Variants in CCDC170 observed in about 807,000 individuals in gnomAD.
CCDC170 encodes the protein coiled-coil domain containing 170.
CCDC170 carries 69 observed loss-of-function variants against 72.6 expected under a neutral mutation model. The observed-to-expected ratio is 0.95, with a 90% CI of 0.78 to 1.16. The LOEUF (loss-of-function observed/expected upper bound fraction) is 1.16, where lower values mean the gene tolerates loss of function less well. Among genes scored for constraint, CCDC170 ranks in the 50% most tolerant of loss-of-function variants. The probability of loss-of-function intolerance (pLI) is 0.00; values close to 1 mark genes in which losing one functional copy is unlikely to be tolerated. For missense variants in CCDC170, 852 were observed against 832.5 expected (o/e 1.02, Z -0.29); for synonymous variants, 300 against 303.9 (o/e 0.99, Z 0.13).
chr6:151,531,357 C>T (rs1204465390), intron 1 of CCDC170, among the ~76,000 whole-genome samples: 1 of 152,180 alleles, frequency 6.6e-6, no homozygotes, highest in East Asian at 1.9e-4. Context: ...AATTCCAGCA[C>T]TTTGTGAGGC....
intron 9 of CCDC170, among the ~76,000 whole-genome samples, chr6:151,602,746 T>G (rs1353740504): frequency 6.6e-6 from 1 of 152,206 alleles, no homozygotes; most frequent in African/African-American, 2.4e-5. Flanking sequence ...GATGCAGAAC[T>G]GTGAGTCAAT....
chr6:151,575,345 T>C (rs1776285327), intron 6 of CCDC170, among the ~76,000 whole-genome samples: 1 of 150,918 alleles, frequency 6.6e-6, no homozygotes, highest in Admixed American at 6.6e-5. Flanking sequence ...GTAAATTCCC[T>C]TTAAAAATTC....
intron 1 of CCDC170, among the ~76,000 whole-genome samples, chr6:151,511,565 C>T (rs1583003342): frequency 6.6e-6 from 1 of 152,154 alleles, no homozygotes; most frequent in African/African-American, 2.4e-5. Flanking sequence ...TGATTTCTAG[C>T]TTCTGCCTTC....
chr6:151,573,248 T>G lies in CCDC170; in HGVS notation c.849T>G (p.Ala283=). 1 of 1,614,156 alleles carries G rather than the reference T, an allele frequency of 6.2e-7. No individual in the cohort carries two copies. Among genetic ancestry groups the G allele is most frequent in the African/African-American group, 1.3e-5 (1 of 75,056 alleles). The change falls in exon 6 of 11, where the codon GCT becomes GCG. Residue 283 remains alanine, a synonymous_variant. Transcript: ENST00000239374. ...AGATCTTCCAAGAAAGGCTGCTTGCTGGCCAGCAGGTCTGGGATGCCTCAA... is the reference window on the plus strand; with the variant it reads ...AGATCTTCCAAGAAAGGCTGCTTGCGGGCCAGCAGGTCTGGGATGCCTCAA... The part of the protein sequence containing the change: ...EVKIFQERLL[A]GQQVWDASKQ...
intron 9 of CCDC170, among the ~76,000 whole-genome samples, chr6:151,610,579 TTC>T (rs1776854090): frequency 6.6e-6 from 1 of 152,248 alleles, no homozygotes; most frequent in Non-Finnish European, 1.5e-5. Flanking sequence ...AGGGCATTCA[TTC>T]TGTTACATGA....
chr6:151,612,836 T>A (rs896069327), intron 9 of CCDC170, among the ~76,000 whole-genome samples: 3 of 152,188 alleles, frequency 2.0e-5, no homozygotes, highest in African/African-American at 7.2e-5. Flanking sequence ...TGTTTTTTTT[T>A]AATGATCTAA....
At chr6:151,494,281 C>G (rs1029141629) in intron 1 of CCDC170, 96 bp downstream of exon 1, 66 of 1,268,508 alleles carry the variant, frequency 5.2e-5, no homozygotes, top group Non-Finnish European at 6.4e-5. Flanking sequence ...CTTTTCCTCC[C>G]GGAGGCGTGG....
rs146241591 is a variant in CCDC170 at position 151,554,703 on chromosome 6, G to A, written c.774+6214G>A. Among the ~76,000 whole-genome samples the A allele has an allele frequency of 1.5e-3, 227 of 151,858 alleles. 1 individual carries two copies. Among genetic ancestry groups the A allele is most frequent in the African/African-American group, 5.3e-3 (219 of 41,432 alleles). On this transcript the variant is annotated intron_variant, in intron 5 of 10. Transcript: ENST00000239374. ...GGCACCACTGCACTCCAGTCTGGGC[G>A]ACAAAGCTGGACTCTGTCTCAAAAA...
intron 6 of CCDC170, among the ~76,000 whole-genome samples, chr6:151,584,405 C>T (rs1321944614): frequency 6.6e-6 from 1 of 152,092 alleles, no homozygotes; most frequent in East Asian, 1.9e-4. Context: ...AATGATGACA[C>T]ATTCTCATGA....
chr6:151,573,053 A>G, intron 5 of CCDC170, 121 bp from the exon 6 acceptor site: 2 of 801,906 alleles, frequency 2.5e-6, no homozygotes, highest in Non-Finnish European at 4.0e-6. Context: ...AAATGGAAGG[A>G]GTAATTAACC....
chr6:151,550,317 T>C (rs1782858125), intron 5 of CCDC170, among the ~76,000 whole-genome samples: 1 of 152,176 alleles, frequency 6.6e-6, no homozygotes, highest in South Asian at 2.1e-4. Flanking sequence ...GGGAGCCTCC[T>C]TGTGGGTGAA....
At chr6:151,510,766 C>T (rs549398470) in intron 1 of CCDC170, among the ~76,000 whole-genome samples, 70 of 151,298 alleles carry the variant, frequency 4.6e-4, no homozygotes, top group Non-Finnish European at 8.0e-4. Context: ...TATAGAGTCT[C>T]GCTTTGTCAC....
At chr6:151,543,665 CT>C (rs1287873960) in intron 3 of CCDC170, among the ~76,000 whole-genome samples, 1 of 152,146 alleles carries the variant, frequency 6.6e-6, no homozygotes, top group Non-Finnish European at 1.5e-5. Context: ...AAATTCTACT[CT>C]GCTTCTACGA....
intron 1 of CCDC170, among the ~76,000 whole-genome samples, chr6:151,519,827 A>G (rs1359658536): frequency 2.0e-5 from 3 of 152,180 alleles, no homozygotes; most frequent in Non-Finnish European, 4.4e-5. Flanking sequence ...TCGTTATGCT[A>G]GTGGTAGGAG....
chr6:151,494,117 G>T lies in CCDC170; in HGVS notation c.-12G>T. 1 of 1,497,418 alleles carries T rather than the reference G, an allele frequency of 6.7e-7. No homozygotes were observed. 92.8% of individuals were successfully genotyped at this position (1,497,418 alleles called of 1,614,324 possible). On this transcript the variant is annotated 5_prime_UTR_variant, in exon 1 of 11. Transcript: ENST00000239374. ...GTTCCGGGTCCGAGCGCGCCCCCGGGCTCGGGTCGTCATGAGCCTGGACTG... is the reference window on the plus strand; with the variant it reads ...GTTCCGGGTCCGAGCGCGCCCCCGGTCTCGGGTCGTCATGAGCCTGGACTG...
rs763628341 is a variant in CCDC170 at position 151,593,238 on chromosome 6, A to G, written c.1425A>G (p.Ala475=). The G allele has an allele frequency of 8.7e-6, 14 of 1,614,096 alleles. No individual in the cohort carries two copies. The highest frequency in any genetic ancestry group is 1.2e-5 in the Non-Finnish European group (14 of 1,180,042). ...AGCTGGTTCGTCTTGAGAGCAATGCAGTCATTGAGAACAAGACCATTGCCC... is the reference window on the plus strand; with the variant it reads ...AGCTGGTTCGTCTTGAGAGCAATGCGGTCATTGAGAACAAGACCATTGCCC... ...TEQLVRLESN[A]VIENKTIAHN... Residue 475 remains alanine, a synonymous_variant, in exon 8 of 11, where the codon GCA becomes GCG. Coordinates refer to ENST00000239374, the MANE Select transcript of CCDC170 (RefSeq NM_025059.4).
chr6:151,596,390 G>C lies in CCDC170; in HGVS notation c.1523G>C (p.Arg508Pro). Residue 508 changes from arginine to proline, a missense_variant, in exon 9 of 11, where the codon CGG becomes CCG. Transcript: ENST00000239374. ...AAAGAATTACACATGAGCCTCCTCC[G>C]GCAGAAAATAGCCCAGCTGGAGGAG... ...ESKELHMSLL[R>P]QKIAQLEEEK... The C allele has an allele frequency of 6.2e-7, 1 of 1,614,056 alleles. No homozygotes were observed. The highest frequency in any genetic ancestry group is 8.5e-7 in the Non-Finnish European group (1 of 1,179,978).
intron 5 of CCDC170, among the ~76,000 whole-genome samples, chr6:151,564,164 G>A (rs934065813): frequency 6.6e-5 from 10 of 152,134 alleles, no homozygotes; most frequent in African/African-American, 2.2e-4. Flanking sequence ...GCTTTTATAG[G>A]GGAGGATGTT....
intron 1 of CCDC170, among the ~76,000 whole-genome samples, chr6:151,524,721 T>C (rs1193443742): frequency 2.0e-5 from 3 of 152,198 alleles, no homozygotes; most frequent in African/African-American, 7.2e-5. Flanking sequence ...GTTTGGTGAG[T>C]GTCCTTCAGA....
Sources: allele counts gnomAD v4.1 joint callset (sites outside exome capture counted in the v4.1 genomes callset), GRCh38; gene constraint gnomAD v4.1.1; transcripts MANE v1.5; gene names NCBI Gene and HGNC (gene_info 2026-07-23, HGNC 2026-07-21).